CCSER1: variants seen among roughly 807,000 people sequenced by gnomAD.
The protein encoded by CCSER1 is serine-rich coiled-coil domain-containing protein 1.
Under a neutral mutation model 82.0 loss-of-function variants are expected in CCSER1, and 41 were observed. The ratio of observed to expected loss-of-function variants is 0.50; its 90% CI spans 0.39 to 0.65. The LOEUF (loss-of-function observed/expected upper bound fraction) is 0.65. Among genes scored for constraint, CCSER1 ranks in the 30% least tolerant of loss-of-function variants. The pLI is 0.00. For synonymous variants in CCSER1, 414 were observed against 383.9 expected, an observed-to-expected ratio of 1.08 and a Z score of -0.92; for missense variants, 1,119 against 1,064.2, an observed-to-expected ratio of 1.05 and a Z score of -0.72.
At chr4:90,345,776 C>T (rs77895156) in intron 3 of CCSER1, among the ~76,000 whole-genome samples, 2,217 of 151,552 alleles carry the variant, frequency 0.015, 71 homozygotes, top group African/African-American at 0.05. Context: ...TATAAGATCT[C>T]CACATCTCTC....
At chr4:90,991,799 C>A (rs1737055667) in intron 9 of CCSER1, among the ~76,000 whole-genome samples, 1 of 152,010 alleles carries the variant, frequency 6.6e-6, no homozygotes, top group African/African-American at 2.4e-5. Flanking sequence ...CTAACTACTT[C>A]CCCATCTCTC....
chr4:90,985,611 A>G (rs549855839), intron 9 of CCSER1, among the ~76,000 whole-genome samples: 1 of 151,848 alleles, frequency 6.6e-6, no homozygotes, highest in East Asian at 1.9e-4. Context: ...TTATTTTGGC[A>G]ATGAAAGAGA....
At chr4:90,518,869 G>C (rs1772663571) in intron 5 of CCSER1, among the ~76,000 whole-genome samples, 1 of 151,662 alleles carries the variant, frequency 6.6e-6, no homozygotes, top group Admixed American at 6.6e-5. Flanking sequence ...ACATAGATAG[G>C]ACTGTTTCTA....
At chr4:90,884,274 T>A (rs1382547665) in intron 8 of CCSER1, among the ~76,000 whole-genome samples, 5 of 152,168 alleles carry the variant, frequency 3.3e-5, no homozygotes, top group Non-Finnish European at 7.4e-5. Flanking sequence ...CAAAAGTATT[T>A]ATTTTAAAAT....
chr4:91,053,369 T>C (rs570183009), intron 9 of CCSER1, among the ~76,000 whole-genome samples: 1 of 152,326 alleles, frequency 6.6e-6, no homozygotes, highest in East Asian at 1.9e-4. Flanking sequence ...TTCCATGCAA[T>C]GACTGTACAA....
At chr4:90,696,708 A>G (rs1256318726) in intron 6 of CCSER1, among the ~76,000 whole-genome samples, 1 of 152,122 alleles carries the variant, frequency 6.6e-6, no homozygotes, top group Admixed American at 6.6e-5. Context: ...TCTGTTTTTA[A>G]TAGTTTTTCC....
At chr4:91,434,564 T>C (rs1754531997) in intron 10 of CCSER1, among the ~76,000 whole-genome samples, 1 of 152,130 alleles carries the variant, frequency 6.6e-6, no homozygotes. Flanking sequence ...AAATAATTTT[T>C]TGTTTGTTTT....
intron 5 of CCSER1, among the ~76,000 whole-genome samples, chr4:90,579,327 G>A (rs1781151205): frequency 6.6e-6 from 1 of 152,136 alleles, no homozygotes; most frequent in Non-Finnish European, 1.5e-5. Context: ...AATTTGAGGT[G>A]ACGACTTTAC....
At chr4:90,851,741 T>A (rs1343006104) in intron 8 of CCSER1, among the ~76,000 whole-genome samples, 2 of 152,184 alleles carry the variant, frequency 1.3e-5, no homozygotes, top group African/African-American at 4.8e-5. Context: ...GCTGGATTGA[T>A]CTTTAACTGT....
intron 7 of CCSER1, among the ~76,000 whole-genome samples, chr4:90,803,207 T>C (rs1757048807): frequency 6.8e-6 from 1 of 146,712 alleles, no homozygotes. Flanking sequence ...CATTTTTTAA[T>C]GTTTTTGTCT....
At chr4:90,713,690 G>A (rs539374363) in intron 6 of CCSER1, among the ~76,000 whole-genome samples, 25 of 151,882 alleles carry the variant, frequency 1.6e-4, no homozygotes, top group Non-Finnish European at 3.4e-4. Flanking sequence ...ATGTTGGCCT[G>A]TCTTGCTTGG....
At chr4:90,355,292 G>C (rs1744191067) in intron 3 of CCSER1, among the ~76,000 whole-genome samples, 1 of 151,648 alleles carries the variant, frequency 6.6e-6, no homozygotes, top group South Asian at 2.1e-4. Flanking sequence ...TATAGTAAAA[G>C]AAAGAAAGAA....
chr4:90,903,772 G>A (rs1187198917), intron 8 of CCSER1, among the ~76,000 whole-genome samples: 2 of 150,686 alleles, frequency 1.3e-5, no homozygotes, highest in African/African-American at 4.9e-5. Flanking sequence ...CAGGGGTGGA[G>A]GTTTCAGTGA....
intron 5 of CCSER1, among the ~76,000 whole-genome samples, chr4:90,550,464 T>G (rs1777321897): frequency 6.6e-6 from 1 of 152,186 alleles, no homozygotes; most frequent in South Asian, 2.1e-4. Context: ...AAGACAACTT[T>G]TTGGCAGAAG....
intron 7 of CCSER1, among the ~76,000 whole-genome samples, chr4:90,800,778 C>T (rs1263050933): frequency 6.6e-6 from 1 of 152,116 alleles, no homozygotes; most frequent in Non-Finnish European, 1.5e-5. Context: ...GTAACTCATT[C>T]TATGACCCTG....
chr4:90,647,146 A>G (rs555889612), intron 6 of CCSER1, among the ~76,000 whole-genome samples: 1 of 152,306 alleles, frequency 6.6e-6, no homozygotes, highest in East Asian at 1.9e-4. Flanking sequence ...TATAATGAGA[A>G]TTTTTAACAC....
chr4:91,057,696 T>C (rs1309911705), intron 9 of CCSER1, among the ~76,000 whole-genome samples: 2 of 152,160 alleles, frequency 1.3e-5, no homozygotes, highest in African/African-American at 4.8e-5. Context: ...CATAGAGCTA[T>C]TCCAAATTTA....
At chr4:90,359,823 A>ATGTGTATATATATGTGTATATATATG (rs1158207655) in intron 3 of CCSER1, among the ~76,000 whole-genome samples, 3 of 150,072 alleles carry the variant, frequency 2.0e-5, no homozygotes, top group African/African-American at 5.0e-5. Flanking sequence ...ATATATAGAT[A>ATGTGTATATATATGTGTATATATATG]TGTGTATATA....
chr4:90,391,341 A>G (rs1252319610), intron 3 of CCSER1, among the ~76,000 whole-genome samples: 1 of 145,698 alleles, frequency 6.9e-6, no homozygotes, highest in Non-Finnish European at 1.5e-5. Context: ...GAAATGATAA[A>G]TGTTTGAGGT....
Sources: allele counts gnomAD v4.1 joint callset (sites outside exome capture counted in the v4.1 genomes callset), GRCh38; gene constraint gnomAD v4.1.1; transcripts MANE v1.5; gene names NCBI Gene and HGNC (gene_info 2026-07-23, HGNC 2026-07-21).